The following TTLL11 variants were observed in gnomAD, a reference collection of about 807,000 sequenced individuals.
TTLL11 encodes the protein tubulin polyglutamylase TTLL11.
A neutral mutation model predicts 51.7 loss-of-function variants in TTLL11; 42 were observed. The ratio of observed to expected loss-of-function variants is 0.81; its 90% CI spans 0.64 to 1.05. The LOEUF is 1.05. TTLL11 is among the 50% of genes least tolerant of loss of function. The pLI, the probability that TTLL11 is intolerant of heterozygous loss-of-function variation, is 0.00. For synonymous variants in TTLL11, 381 were observed against 383.5 expected (o/e 0.99, Z 0.08); for missense variants, 799 against 940.4 (o/e 0.85, Z 1.97).
At chr9:121,988,942 G>T in intron 4 of TTLL11, 2 of 758,824 alleles carry the variant, frequency 2.6e-6, no homozygotes, top group Non-Finnish European at 4.0e-6. Flanking sequence ...ATTCTTACAA[G>T]AACCTTTTAA....
Position 122,031,710 on chromosome 9 carries a change from G to C in TTLL11, c.693+13C>G. The C allele has an allele frequency of 6.2e-7, 1 of 1,611,742 alleles. No homozygotes were observed. Among genetic ancestry groups the C allele is most frequent in the Non-Finnish European group, 8.5e-7 (1 of 1,179,616 alleles). On this transcript the variant is annotated intron_variant, in intron 3 of 8. Transcript: ENST00000321582. ...ATATAATTCAGGGGTCATGGGGACGGAGTGCCATCTACCTGAGCAACAAAG... is the reference window on the plus strand; with the variant it reads ...ATATAATTCAGGGGTCATGGGGACGCAGTGCCATCTACCTGAGCAACAAAG...
chr9:122,069,931 A>T (rs1845685930), intron 1 of TTLL11, among the ~76,000 whole-genome samples: 1 of 151,816 alleles, frequency 6.6e-6, no homozygotes, highest in African/African-American at 2.4e-5. Flanking sequence ...ATACATTCTC[A>T]CATTCTCCTG....
intron 1 of TTLL11, among the ~76,000 whole-genome samples, chr9:122,072,191 T>G (rs1051439387): frequency 2.0e-5 from 3 of 152,036 alleles, no homozygotes; most frequent in African/African-American, 7.2e-5. Context: ...CTGGGCAATA[T>G]AGCAAAACCC....
chr9:122,089,928 A>G (rs1165913348), intron 1 of TTLL11, among the ~76,000 whole-genome samples: 1 of 152,204 alleles, frequency 6.6e-6, no homozygotes, highest in African/African-American at 2.4e-5. Flanking sequence ...AGGTGGAATT[A>G]CAGGCATGAG....
chr9:121,961,475 T>C (rs1842217336), intron 6 of TTLL11, among the ~76,000 whole-genome samples: 1 of 151,872 alleles, frequency 6.6e-6, no homozygotes, highest in African/African-American at 2.4e-5. Context: ...TGGTGATAAA[T>C]GCCAGAGCCA....
intron 3 of TTLL11, among the ~76,000 whole-genome samples, chr9:122,013,187 A>C (rs764227020): frequency 3.3e-5 from 5 of 152,210 alleles, no homozygotes; most frequent in Non-Finnish European, 5.9e-5. Context: ...AGTAATGAAG[A>C]AAGGATTTCA....
chr9:122,059,396 T>G (rs1240351035), intron 1 of TTLL11, among the ~76,000 whole-genome samples: 1 of 152,120 alleles, frequency 6.6e-6, no homozygotes, highest in Non-Finnish European at 1.5e-5. Context: ...TAAGCGCTAT[T>G]ATCATACCCA....
intron 6 of TTLL11, among the ~76,000 whole-genome samples, chr9:121,965,182 C>T (rs575399887): frequency 1.4e-4 from 21 of 152,120 alleles, no homozygotes; most frequent in Non-Finnish European, 2.8e-4. Flanking sequence ...TGCTGGTCTG[C>T]AGGGTCAGGG....
chr9:122,048,901 A>C (rs1271572667), intron 1 of TTLL11, among the ~76,000 whole-genome samples: 1 of 152,064 alleles, frequency 6.6e-6, no homozygotes, highest in African/African-American at 2.4e-5. Context: ...CCTTAAGCAC[A>C]AGGAGAGCCC....
At chr9:121,888,682 C>T (rs1461144500) in intron 6 of TTLL11, among the ~76,000 whole-genome samples, 1 of 152,214 alleles carries the variant, frequency 6.6e-6, no homozygotes, top group Non-Finnish European at 1.5e-5. Context: ...TCTTCAAATA[C>T]CTCAACTACG....
chr9:121,838,734 A>AAGAAAGAAAGAG lies in TTLL11; in HGVS notation c.1841-15867_1841-15856dup, dbSNP rs548430633. Among the ~76,000 whole-genome samples the AAGAAAGAAAGAG allele has an allele frequency of 7.1e-4, 108 of 151,826 alleles. No homozygotes were observed. In the Middle Eastern group the frequency reaches 0.01, roughly 14 times the overall value. On this transcript the variant is annotated intron_variant, in intron 8 of 8. Transcript: ENST00000321582. ...ATTCTGTCAAGAAAGAAAGAAAAGAAAGAAAGAAAGAGAGAAAGAAAGAGA... is the reference window on the plus strand; with the variant it reads ...ATTCTGTCAAGAAAGAAAGAAAAGAAAGAAAGAAAGAGAGAAAGAAAGAGAGAAAGAAAGAGA...
At position 122,039,354 on chromosome 9, in the gene TTLL11, C is replaced by T. The variant is rs765513907; in HGVS notation, c.477G>A (p.Arg159=). ...QLKWKEFPFG[R]RLPCDIYWHG... is the part of the protein sequence containing the mutation. ...GCCAGTAGATGTCACAAGGCAAGCG[C>T]CGGCCAAATGGGAACTAGAAGAGAA... Residue 159 remains arginine, a synonymous_variant, in exon 2 of 9, where the codon CGG becomes CGA. Transcript: ENST00000321582. The T allele has an allele frequency of 1.2e-6, 2 of 1,613,966 alleles. No homozygotes were observed. The highest frequency in any genetic ancestry group is 1.7e-6 in the Non-Finnish European group (2 of 1,179,884).
chr9:122,062,362 A>C (rs1845458822), intron 1 of TTLL11, among the ~76,000 whole-genome samples: 1 of 151,414 alleles, frequency 6.6e-6, no homozygotes, highest in South Asian at 2.1e-4. Flanking sequence ...GATAGATATG[A>C]CCTACGACTT....
At chr9:122,026,044 A>AT (rs1564363782) in intron 3 of TTLL11, among the ~76,000 whole-genome samples, 1 of 152,248 alleles carries the variant, frequency 6.6e-6, no homozygotes, top group Non-Finnish European at 1.5e-5. Flanking sequence ...AGTGCCTGTT[A>AT]TATAATGCCA....
intron 1 of TTLL11, among the ~76,000 whole-genome samples, chr9:122,062,283 T>TG (rs1845457395): frequency 6.6e-6 from 1 of 152,114 alleles, no homozygotes; most frequent in Admixed American, 6.6e-5. Context: ...AGAAGCCCTC[T>TG]GGGGGAGTTT....
chr9:122,029,416 G>A (rs979408301), intron 3 of TTLL11, among the ~76,000 whole-genome samples: 13 of 152,312 alleles, frequency 8.5e-5, no homozygotes, highest in Non-Finnish European at 1.6e-4. Flanking sequence ...AAGAAGTGGA[G>A]GTGGAAGACA....
At chr9:121,991,119 G>A (rs1843100065) in intron 3 of TTLL11, among the ~76,000 whole-genome samples, 1 of 152,150 alleles carries the variant, frequency 6.6e-6, no homozygotes, top group African/African-American at 2.4e-5. Flanking sequence ...TGAGTTGGTG[G>A]GTGCCCCAGT....
chr9:121,847,720 C>T (rs537426289), intron 8 of TTLL11, among the ~76,000 whole-genome samples: 19 of 152,250 alleles, frequency 1.2e-4, no homozygotes, highest in African/African-American at 4.3e-4. Flanking sequence ...TTCTAACAAA[C>T]GTTTAAGAAG....
At chr9:121,826,477 A>ATG (rs1181755110) in intron 8 of TTLL11, among the ~76,000 whole-genome samples, 786 of 54,380 alleles carry the variant, frequency 0.014, 16 homozygotes, top group Middle Eastern at 0.026. Context: ...GTATATATAT[A>ATG]TATGTATATA....
Sources: allele counts gnomAD v4.1 joint callset (sites outside exome capture counted in the v4.1 genomes callset), GRCh38; gene constraint gnomAD v4.1.1; transcripts MANE v1.5; gene names NCBI Gene and HGNC (gene_info 2026-07-23, HGNC 2026-07-21).